The following SLC30A8 variants were observed in gnomAD, a reference collection of about 807,000 sequenced individuals.
SLC30A8 encodes the protein solute carrier family 30 member 8.
Under a neutral mutation model 36.9 loss-of-function variants are expected in SLC30A8, and 27 were observed. That is an observed-to-expected ratio of 0.73 (90% CI 0.54 to 1.01). The LOEUF (loss-of-function observed/expected upper bound fraction) is 1.01. Among genes scored for constraint, SLC30A8 ranks in the 50% least tolerant of loss-of-function variants. SLC30A8 has a pLI of 0.00. For synonymous variants in SLC30A8, 164 were observed against 172.4 expected (o/e 0.95, Z 0.38); for missense variants, 439 against 452.0 (o/e 0.97, Z 0.26).
At chr8:117,165,505 C>A (rs912628534) in intron 6 of SLC30A8, among the ~76,000 whole-genome samples, 1 of 152,156 alleles carries the variant, frequency 6.6e-6, no homozygotes, top group African/African-American at 2.4e-5. Flanking sequence ...AGAATAAATC[C>A]ATCTTCATTA....
intron 2 of SLC30A8, chr8:117,055,676 C>T (rs577283930): frequency 2.1e-4 from 32 of 152,092 alleles, no homozygotes; most frequent in Non-Finnish European, 3.5e-4. Context: ...TTGAACATTC[C>T]ACGTGAAGTA....
intron 1 of SLC30A8, among the ~76,000 whole-genome samples, chr8:116,971,590 A>G (rs868267752): frequency 6.8e-6 from 1 of 147,260 alleles, no homozygotes; most frequent in Non-Finnish European, 1.5e-5. Context: ...TAGAGGAAAC[A>G]TTTTTTTTTT....
chr8:117,008,701 A>G (rs141432713), intron 1 of SLC30A8, among the ~76,000 whole-genome samples: 36 of 152,302 alleles, frequency 2.4e-4, no homozygotes, highest in Admixed American at 2.3e-3. Context: ...AACTATATCT[A>G]TCTGTTGGGA....
At chr8:117,014,937 C>T (rs1019029550) in intron 1 of SLC30A8, among the ~76,000 whole-genome samples, 1 of 151,888 alleles carries the variant, frequency 6.6e-6, no homozygotes, top group Admixed American at 6.6e-5. Context: ...ATTGGCTTTG[C>T]GTGCAGCAAG....
chr8:117,037,442 G>A (rs139908239), intron 1 of SLC30A8, among the ~76,000 whole-genome samples: 18 of 152,262 alleles, frequency 1.2e-4, no homozygotes, highest in African/African-American at 4.1e-4. Flanking sequence ...GGAGGAGAAT[G>A]GAGAGGAAGG....
At chr8:117,092,201 A>C (rs1225769200) in intron 2 of SLC30A8, among the ~76,000 whole-genome samples, 1 of 152,230 alleles carries the variant, frequency 6.6e-6, no homozygotes, top group Non-Finnish European at 1.5e-5. Context: ...AAATACAAAT[A>C]CGTGACTTAC....
At chr8:117,063,584 C>T (rs1586459521) in intron 2 of SLC30A8, among the ~76,000 whole-genome samples, 1 of 152,196 alleles carries the variant, frequency 6.6e-6, no homozygotes, top group Non-Finnish European at 1.5e-5. Context: ...AATATTATAA[C>T]CTAGGTTTTT....
chr8:117,096,578 C>A (rs1043620747), intron 2 of SLC30A8, among the ~76,000 whole-genome samples: 1 of 152,048 alleles, frequency 6.6e-6, no homozygotes, highest in East Asian at 1.9e-4. Context: ...CTGTTCTGGC[C>A]TCCTGGGAGC....
At chr8:117,142,156 T>A (rs900978725) in intron 1 of SLC30A8, among the ~76,000 whole-genome samples, 8 of 152,078 alleles carry the variant, frequency 5.3e-5, no homozygotes, top group African/African-American at 1.9e-4. Flanking sequence ...AACCAACAAG[T>A]CATCTTTGAG....
intron 1 of SLC30A8, among the ~76,000 whole-genome samples, chr8:116,969,931 C>T (rs1483427107): frequency 6.6e-6 from 1 of 151,976 alleles, no homozygotes; most frequent in Non-Finnish European, 1.5e-5. Flanking sequence ...ACACTGTATG[C>T]TTAGGCTACA....
chr8:117,146,741 ATAAAAG>A lies in SLC30A8; in HGVS notation c.72-207_72-202del, dbSNP rs550022625. On this transcript the variant is annotated intron_variant, in intron 1 of 7. Coordinates refer to ENST00000456015, the MANE Select transcript of SLC30A8 (RefSeq NM_173851.3). ...ATTGACTGAATAAGAGTTTGACTGA[ATAAAAG>A]TAAAACTTTTAGTAGTTGAAGTTTA... is the stretch of plus-strand genomic sequence containing the variant. The A allele has an allele frequency of 1.5e-4, 180 of 1,200,948 alleles. No homozygotes were observed. The African/African-American group carries it at 2.5e-3, about 17-fold the overall frequency. The allele number at this position is 1,200,948 out of a possible 1,614,324, so 74.4% of individuals were successfully genotyped here.
rs138748654 is a variant in SLC30A8 at position 117,001,516 on chromosome 8, A to G, written c.-265-37703A>G. The stretch of plus-strand genomic sequence containing the variant: ...GACTTGTGACTGAAAGCATCCTGAT[A>G]CAAGTATTATTATTGCAACATGCCA... On this transcript the variant is annotated intron_variant, in intron 1 of 10. Transcript: ENST00000427715. Among the ~76,000 whole-genome samples, 323 of 152,316 alleles carry G rather than the reference A, an allele frequency of 2.1e-3. 3 individuals are homozygous for G. Among genetic ancestry groups the G allele is most frequent in the Admixed American group, 0.018 (270 of 15,286 alleles).
chr8:117,136,389 A>G (rs879860252), intron 1 of SLC30A8, among the ~76,000 whole-genome samples: 1 of 151,996 alleles, frequency 6.6e-6, no homozygotes, highest in Non-Finnish European at 1.5e-5. Context: ...TGAAAATCTG[A>G]AAAGAATTGA....
chr8:117,008,384 C>T (rs1202595348), intron 1 of SLC30A8, among the ~76,000 whole-genome samples: 1 of 152,084 alleles, frequency 6.6e-6, no homozygotes, highest in African/African-American at 2.4e-5. Context: ...GAGAGAATCC[C>T]AAAGAAAAGC....
chr8:117,158,975 T>A (rs1406738673), intron 4 of SLC30A8, among the ~76,000 whole-genome samples: 1 of 152,206 alleles, frequency 6.6e-6, no homozygotes. Flanking sequence ...TGGGTCCACA[T>A]AATGACAAGC....
intron 1 of SLC30A8, among the ~76,000 whole-genome samples, chr8:117,004,763 A>T (rs958280559): frequency 6.6e-6 from 1 of 152,180 alleles, no homozygotes; most frequent in Non-Finnish European, 1.5e-5. Context: ...CCAAGAATGT[A>T]CCAAGTGTTG....
intron 1 of SLC30A8, among the ~76,000 whole-genome samples, chr8:117,002,640 C>T (rs1274827625): frequency 1.3e-5 from 2 of 152,166 alleles, no homozygotes; most frequent in East Asian, 1.9e-4. Flanking sequence ...GAGTCTTGCT[C>T]TGTCACCAGG....
chr8:117,027,636 A>C (rs909064872), intron 1 of SLC30A8, among the ~76,000 whole-genome samples: 1 of 152,202 alleles, frequency 6.6e-6, no homozygotes, highest in Non-Finnish European at 1.5e-5. Context: ...GAGACCAGAG[A>C]AACCTAGGCA....
intron 6 of SLC30A8, among the ~76,000 whole-genome samples, chr8:117,167,756 C>T (rs1823138280): frequency 6.6e-6 from 1 of 152,026 alleles, no homozygotes; most frequent in South Asian, 2.1e-4. Flanking sequence ...CACCCTTGTA[C>T]ATATATATTT....
Sources: gnomAD v4.1 joint callset for allele counts (sites outside exome capture counted in the v4.1 genomes callset) on GRCh38, gnomAD v4.1.1 for gene constraint, MANE v1.5 for transcripts, NCBI Gene and HGNC (gene_info 2026-07-23, HGNC 2026-07-21) for gene names.